The following NALF1 variants were observed in gnomAD, a reference collection of about 807,000 sequenced individuals.
The protein encoded by NALF1 is family with sequence similarity 155 member A.
In NALF1, 3 loss-of-function variants were observed where a neutral mutation model predicts 48.4. The observed-to-expected ratio is 0.06, with a 90% CI of 0.03 to 0.16. The LOEUF (loss-of-function observed/expected upper bound fraction) is 0.16. Ranked by LOEUF, NALF1 falls within the 10% of genes least tolerant of loss-of-function variation. The pLI is 1.00. For missense variants in NALF1, 526 were observed against 571.5 expected (o/e 0.92, Z 0.81); for synonymous variants, 262 against 245.7 (o/e 1.07, Z -0.62).
intron 1 of NALF1, among the ~76,000 whole-genome samples, chr13:107,428,357 T>G (rs1337022546): frequency 6.6e-6 from 1 of 152,242 alleles, no homozygotes. Flanking sequence ...ACTTGCAATC[T>G]AGACCCAGCA....
At chr13:107,820,776 T>A (rs1398466976) in intron 1 of NALF1, among the ~76,000 whole-genome samples, 1 of 152,240 alleles carries the variant, frequency 6.6e-6, no homozygotes, top group Non-Finnish European at 1.5e-5. Context: ...TTCTAGTCTG[T>A]GGCTTAATAA....
At chr13:107,686,872 C>T (rs1163540527) in intron 1 of NALF1, among the ~76,000 whole-genome samples, 1 of 152,044 alleles carries the variant, frequency 6.6e-6, no homozygotes, top group Non-Finnish European at 1.5e-5. Context: ...TAGTTCAACC[C>T]CAGTGGAAAA....
At chr13:107,696,530 G>C (rs1881702835) in intron 1 of NALF1, among the ~76,000 whole-genome samples, 1 of 150,358 alleles carries the variant, frequency 6.7e-6, no homozygotes, top group South Asian at 2.1e-4. Context: ...TGTGAGTGAA[G>C]TACTTAACAT....
At chr13:107,828,964 GT>G (rs1352331355) in intron 1 of NALF1, among the ~76,000 whole-genome samples, 6 of 152,060 alleles carry the variant, frequency 3.9e-5, no homozygotes, top group Admixed American at 3.3e-4. Flanking sequence ...TATGTGCACT[GT>G]TTTATTTTTT....
intron 1 of NALF1, among the ~76,000 whole-genome samples, chr13:107,785,851 A>G (rs72657247): frequency 0.051 from 7,690 of 152,270 alleles, 572 homozygotes; most frequent in East Asian, 0.39. Context: ...CGTGTTATCA[A>G]TCAGGATCTT....
At chr13:107,466,824 T>A (rs895795865) in intron 1 of NALF1, 2 of 151,952 alleles carry the variant, frequency 1.3e-5, no homozygotes, top group Admixed American at 6.5e-5. Flanking sequence ...GAATTTCTTG[T>A]AAAGTGCTGT....
chr13:107,810,913 C>A (rs1878968847), intron 1 of NALF1, among the ~76,000 whole-genome samples: 2 of 152,142 alleles, frequency 1.3e-5, no homozygotes, highest in Admixed American at 1.3e-4. Flanking sequence ...TTCTCTAGAA[C>A]CAGATTAACT....
At position 107,865,990 on chromosome 13, in the gene NALF1, C is replaced by A; in HGVS notation, c.607G>T (p.Asp203Tyr). Residue 203 changes from aspartate to tyrosine, a missense_variant, in exon 1 of 3, where the codon GAC (aspartate) becomes TAC (tyrosine). Coordinates refer to ENST00000375915, the MANE Select transcript of NALF1 (RefSeq NM_001080396.3). Reference sequence around the variant, plus strand: ...TGCTTGCTCCTCACCTCCTGCCCGTCCCCCCCGGCCGCCCCCCGACTCCAG... The same window carrying A: ...TGCTTGCTCCTCACCTCCTGCCCGTACCCCCCGGCCGCCCCCCGACTCCAG... ...RNWSRGAAGGDGQEVRSKHPT... is the reference protein window; with the variant it reads ...RNWSRGAAGGYGQEVRSKHPT... 15 of 1,607,220 alleles carry A rather than the reference C, an allele frequency of 9.3e-6. No individual in the cohort carries two copies. Among genetic ancestry groups the A allele is most frequent in the Non-Finnish European group, 1.3e-5 (15 of 1,176,430 alleles).
intron 1 of NALF1, among the ~76,000 whole-genome samples, chr13:107,726,225 C>T (rs1459793805): frequency 6.6e-6 from 1 of 151,960 alleles, no homozygotes; most frequent in Non-Finnish European, 1.5e-5. Context: ...ATGCAACTCT[C>T]TTATGTTTTT....
At chr13:107,748,834 G>C (rs1876852877) in intron 1 of NALF1, among the ~76,000 whole-genome samples, 1 of 152,128 alleles carries the variant, frequency 6.6e-6, no homozygotes. Flanking sequence ...GTCTGAAAAT[G>C]GGAGACAGAA....
intron 1 of NALF1, among the ~76,000 whole-genome samples, chr13:107,753,743 A>AT (rs1418475894): frequency 6.6e-6 from 1 of 152,146 alleles, no homozygotes; most frequent in African/African-American, 2.4e-5. Flanking sequence ...ATACGTCATT[A>AT]TTTTTAAAGT....
At chr13:107,531,023 T>C (rs1159861845) in intron 1 of NALF1, 1 of 152,626 alleles carries the variant, frequency 6.6e-6, no homozygotes, top group Non-Finnish European at 1.5e-5. Flanking sequence ...TTCACATATA[T>C]ATATATATAT....
intron 1 of NALF1, among the ~76,000 whole-genome samples, chr13:107,815,114 G>A (rs1463736205): frequency 1.3e-5 from 2 of 152,032 alleles, no homozygotes; most frequent in Non-Finnish European, 2.9e-5. Context: ...TCTCAGTTAT[G>A]ACTCCAAAAG....
intron 1 of NALF1, among the ~76,000 whole-genome samples, chr13:107,489,798 C>G (rs763050832): frequency 6.6e-6 from 1 of 152,104 alleles, no homozygotes; most frequent in Admixed American, 6.6e-5. Flanking sequence ...ACAGAGTAAA[C>G]AGACAACCCA....
At chr13:107,553,463 TAA>T (rs1877358127) in intron 1 of NALF1, among the ~76,000 whole-genome samples, 1 of 152,196 alleles carries the variant, frequency 6.6e-6, no homozygotes, top group Non-Finnish European at 1.5e-5. Context: ...CCAGGAATTA[TAA>T]GAGAGTATTT....
chr13:107,388,801 C>G (rs1310820828), intron 1 of NALF1, among the ~76,000 whole-genome samples: 14 of 151,986 alleles, frequency 9.2e-5, no homozygotes, highest in African/African-American at 3.4e-4. Context: ...GTCCTTTAAC[C>G]TGCACCACGG....
At position 107,269,134 on chromosome 13, in the gene NALF1, C is replaced by T. The variant is rs201231398; in HGVS notation, c.916-58379G>A. Among the ~76,000 whole-genome samples, 9 of 151,096 alleles carry T rather than the reference C, an allele frequency of 6.0e-5. No homozygotes were observed. The East Asian group carries it at 1.6e-3, about 26-fold the overall frequency. Reference sequence around the variant, plus strand: ...GCTATGATCACACACTGCACTCCAGCCCGGGAGACACAGTGAGACCCTGTC... The same window carrying T: ...GCTATGATCACACACTGCACTCCAGTCCGGGAGACACAGTGAGACCCTGTC... On this transcript the variant is annotated intron_variant, in intron 1 of 2. Coordinates refer to ENST00000375915, the MANE Select transcript of NALF1 (RefSeq NM_001080396.3).
intron 1 of NALF1, among the ~76,000 whole-genome samples, chr13:107,800,100 T>G (rs1202914768): frequency 6.6e-6 from 1 of 152,148 alleles, no homozygotes; most frequent in Non-Finnish European, 1.5e-5. Context: ...AAGGAGCATG[T>G]AGTTGATAAT....
chr13:107,650,871 A>T (rs575840995), intron 1 of NALF1, among the ~76,000 whole-genome samples: 2 of 152,246 alleles, frequency 1.3e-5, no homozygotes, highest in East Asian at 3.9e-4. Flanking sequence ...GGGCTAAATG[A>T]TAACAGCTTA....
Sources: gnomAD v4.1 joint callset for allele counts (sites outside exome capture counted in the v4.1 genomes callset) on GRCh38, gnomAD v4.1.1 for gene constraint, MANE v1.5 for transcripts, NCBI Gene and HGNC (gene_info 2026-07-23, HGNC 2026-07-21) for gene names.